The following SLIT3 variants were observed in gnomAD, a reference collection of about 807,000 sequenced individuals.
The protein encoded by SLIT3 is slit homolog 3 protein.
Under a neutral mutation model 184.0 loss-of-function variants are expected in SLIT3, and 68 were observed. The ratio of observed to expected loss-of-function variants is 0.37; its 90% CI spans 0.30 to 0.45. The LOEUF (loss-of-function observed/expected upper bound fraction) is 0.45. SLIT3 is among the 20% of genes least tolerant of loss of function. The probability of loss-of-function intolerance (pLI) is 1.00; values close to 1 mark genes in which losing one functional copy is unlikely to be tolerated. For synonymous variants in SLIT3, 831 were observed against 828.6 expected (o/e 1.00, Z -0.05); for missense variants, 1,707 against 2,026.0 (o/e 0.84, Z 3.02).
At chr5:169,050,257 T>C (rs1757769292) in intron 4 of SLIT3, among the ~76,000 whole-genome samples, 1 of 152,218 alleles carries the variant, frequency 6.6e-6, no homozygotes, top group African/African-American at 2.4e-5. Context: ...TATCTCCTCA[T>C]GCACAAATCC....
intron 1 of SLIT3, among the ~76,000 whole-genome samples, chr5:169,277,199 T>G (rs1766838668): frequency 6.6e-6 from 1 of 152,198 alleles, no homozygotes; most frequent in South Asian, 2.1e-4. Flanking sequence ...GTGATTTTAC[T>G]TAGCATAATC....
At chr5:168,902,130 T>C (rs974076713) in intron 4 of SLIT3, among the ~76,000 whole-genome samples, 1 of 152,174 alleles carries the variant, frequency 6.6e-6, no homozygotes, top group Non-Finnish European at 1.5e-5. Flanking sequence ...GACCTCATGA[T>C]CTGCCCGCCT....
intron 3 of SLIT3, among the ~76,000 whole-genome samples, chr5:169,204,154 TGTGAAGGCCAA>T (rs1359821457): frequency 1.3e-5 from 2 of 151,782 alleles, no homozygotes; most frequent in East Asian, 1.9e-4. Context: ...AGAGCATAGT[TGTGAAGGCCAA>T]GTGAAGGGAG....
intron 4 of SLIT3, among the ~76,000 whole-genome samples, chr5:169,039,982 GTATAGCAGCAACCA>G (rs1451054508): frequency 1.3e-5 from 2 of 152,182 alleles, no homozygotes; most frequent in Non-Finnish European, 2.9e-5. Flanking sequence ...ATCATTTAGT[GTATAGCAGCAACCA>G]TATAGCAGCA....
At chr5:168,794,468 A>C (rs1756496876) in intron 10 of SLIT3, among the ~76,000 whole-genome samples, 2 of 152,284 alleles carry the variant, frequency 1.3e-5, no homozygotes, top group South Asian at 4.1e-4. Context: ...GGGAAGAATG[A>C]TGACATTGTC....
intron 4 of SLIT3, among the ~76,000 whole-genome samples, chr5:168,934,965 TAAAA>T (rs59434182): frequency 8.3e-6 from 1 of 120,466 alleles, no homozygotes. Context: ...CCATCTCTAC[TAAAA>T]AAAAAAAAAA....
chr5:169,011,186 A>G (rs1193063902), intron 4 of SLIT3, among the ~76,000 whole-genome samples: 1 of 152,194 alleles, frequency 6.6e-6, no homozygotes, highest in Non-Finnish European at 1.5e-5. Context: ...CCCAGGCTCC[A>G]GCATCCCAGA....
At chr5:169,262,273 C>T (rs1425536682) in intron 1 of SLIT3, among the ~76,000 whole-genome samples, 2 of 152,108 alleles carry the variant, frequency 1.3e-5, no homozygotes, top group Non-Finnish European at 2.9e-5. Context: ...ATGGGCATAG[C>T]TAGGAAACAG....
At position 168,748,200 on chromosome 5, in the gene SLIT3, C is replaced by T. The variant is rs11748347; in HGVS notation, c.2270+102G>A. 16 of 1,304,954 alleles carry T rather than the reference C, an allele frequency of 1.2e-5. No homozygotes were observed. In the African/African-American group the frequency reaches 2.5e-4, roughly 20 times the overall value. 80.8% of individuals were successfully genotyped at this position (1,304,954 alleles called of 1,614,324 possible). ...CCATTCAAGTAGGGTCTCCCCCCGGCAGTTTCGCCATGTTGCCTTGCTTGA... is the reference window on the plus strand; with the variant it reads ...CCATTCAAGTAGGGTCTCCCCCCGGTAGTTTCGCCATGTTGCCTTGCTTGA... On this transcript the variant is annotated intron_variant, in intron 20 of 35. Coordinates refer to ENST00000519560, the MANE Select transcript of SLIT3 (RefSeq NM_003062.4).
At chr5:169,160,844 C>CT (rs1451211885) in intron 4 of SLIT3, among the ~76,000 whole-genome samples, 1 of 152,228 alleles carries the variant, frequency 6.6e-6, no homozygotes, top group Non-Finnish European at 1.5e-5. Flanking sequence ...TCCACCTACA[C>CT]TTTGAGGGAT....
intron 4 of SLIT3, among the ~76,000 whole-genome samples, chr5:169,176,336 C>T (rs763275203): frequency 1.2e-4 from 18 of 152,170 alleles, no homozygotes; most frequent in Non-Finnish European, 2.5e-4. Flanking sequence ...GGTATGAATG[C>T]CAGGTCTGCG....
chr5:168,695,407 G>A (rs887406560), intron 28 of SLIT3, among the ~76,000 whole-genome samples: 6 of 152,160 alleles, frequency 3.9e-5, no homozygotes, highest in Admixed American at 3.9e-4. Flanking sequence ...CTTTAAAGCA[G>A]GAATTTTTGG....
chr5:168,946,868 C>T (rs1314272721), intron 4 of SLIT3, among the ~76,000 whole-genome samples: 1 of 152,206 alleles, frequency 6.6e-6, no homozygotes, highest in African/African-American at 2.4e-5. Flanking sequence ...GAACACCTCT[C>T]CATTTGCAAA....
intron 4 of SLIT3, among the ~76,000 whole-genome samples, chr5:169,107,462 C>T (rs1760254381): frequency 6.6e-6 from 1 of 152,270 alleles, no homozygotes; most frequent in South Asian, 2.1e-4. Flanking sequence ...TTCCTGAAGG[C>T]TTGAAAAAAA....
chr5:169,267,360 C>G (rs1319444640), intron 1 of SLIT3, among the ~76,000 whole-genome samples: 1 of 152,192 alleles, frequency 6.6e-6, no homozygotes. Flanking sequence ...CTAATAAGCT[C>G]CAACTTACTG....
rs1472570556 is a variant in SLIT3, at chr5:168,774,370, T to C, written c.1160A>G (p.Asn387Ser). The C allele has an allele frequency of 5.0e-6, 8 of 1,611,442 alleles. No homozygotes were observed. The highest frequency in any genetic ancestry group is 2.2e-5 in the East Asian group (1 of 44,862). Residue 387 changes from asparagine to serine, a missense_variant, in exon 13 of 36, where the codon AAT (asparagine) becomes AGT (serine). Coordinates refer to ENST00000519560, the MANE Select transcript of SLIT3 (RefSeq NM_003062.4). The stretch of plus-strand genomic sequence containing the variant: ...CCGCAGGCAGTTGATCTTGTTGGCA[T>C]TGAGGAGGCTGCAAACAGAAGAGAG... Reference protein sequence around the residue: ...GLVSLQLLLLNANKINCLRVN... With the variant: ...GLVSLQLLLLSANKINCLRVN...
In SLIT3 at chr5:168,685,115, A is replaced by C. The variant is rs201461702; in HGVS notation, c.3555+572T>G. On this transcript the variant is annotated intron_variant, in intron 31 of 35. Coordinates refer to ENST00000519560, the MANE Select transcript of SLIT3 (RefSeq NM_003062.4). ...CAGGCATGCACCACCACGCCCTGCT[A>C]ATTTTTTATTTTTAGTAGAGACTGG... 3.3e-4 allele frequency among the ~76,000 whole-genome samples: 50 copies of C among 152,110 alleles called. 1 individual carries two copies. The East Asian group carries it at 8.5e-3, about 26-fold the overall frequency.
intron 4 of SLIT3, among the ~76,000 whole-genome samples, chr5:169,032,657 A>C (rs1360324264): frequency 2.0e-5 from 3 of 147,110 alleles, no homozygotes; most frequent in Admixed American, 6.9e-5. Flanking sequence ...TCGATCTGCT[A>C]GTTATTTTTT....
At chr5:168,727,315 G>A (rs1047712481) in intron 20 of SLIT3, among the ~76,000 whole-genome samples, 21 of 151,834 alleles carry the variant, frequency 1.4e-4, no homozygotes, top group East Asian at 3.9e-4. Flanking sequence ...GTGAGACTCC[G>A]TCTCAAAAAA....
Sources: gnomAD v4.1 joint callset for allele counts (sites outside exome capture counted in the v4.1 genomes callset) on GRCh38, gnomAD v4.1.1 for gene constraint, MANE v1.5 for transcripts, NCBI Gene and HGNC (gene_info 2026-07-23, HGNC 2026-07-21) for gene names.